The following DUSP22 variants were observed in gnomAD, a reference collection of about 807,000 sequenced individuals.
DUSP22 encodes the protein dual specificity protein phosphatase 22.
DUSP22 carries 24 observed loss-of-function variants against 24.5 expected under a neutral mutation model. The ratio of observed to expected loss-of-function variants is 0.98; its 90% CI spans 0.71 to 1.38. The LOEUF (loss-of-function observed/expected upper bound fraction) is 1.38. DUSP22 is among the 40% of genes most tolerant of loss of function. The pLI is 0.00. For synonymous variants in DUSP22, 160 were observed against 106.4 expected, an observed-to-expected ratio of 1.50 and a Z score of -3.10; for missense variants, 330 against 269.2, an observed-to-expected ratio of 1.23 and a Z score of -1.58.
intron 1 of DUSP22, among the ~76,000 whole-genome samples, chr6:304,194 C>T (rs1214958784): frequency 1.3e-5 from 2 of 152,312 alleles, no homozygotes; most frequent in African/African-American, 4.8e-5. Context: ...AGCCGGGGGC[C>T]AACCCTGGAC....
intron 1 of DUSP22, among the ~76,000 whole-genome samples, chr6:294,231 T>C (rs1340016086): frequency 6.6e-6 from 1 of 152,306 alleles, no homozygotes; most frequent in Non-Finnish European, 1.5e-5. Context: ...TTTATTATCT[T>C]GTGAATAGAG....
Position 348,816 on chromosome 6 carries a change from T to C in DUSP22, c.483T>C (p.Asp161=), listed in dbSNP as rs753022752. The C allele has an allele frequency of 1.9e-6, 3 of 1,614,198 alleles. No homozygotes were observed. Among genetic ancestry groups the C allele is most frequent in the African/African-American group, 2.7e-5 (2 of 74,966 alleles). ...AATATGGAGAGAGCCCTTTGCAGGATGCAGAAGAAGCCAAAAACATTCTGG... is the reference window on the plus strand; with the variant it reads ...AATATGGAGAGAGCCCTTTGCAGGACGCAGAAGAAGCCAAAAACATTCTGG... ...KEEYGESPLQ[D]AEEAKNILGK... is the part of the protein sequence containing the mutation. Residue 161 remains aspartate, a synonymous_variant, in exon 7 of 7, where the codon GAT becomes GAC. Coordinates refer to ENST00000419235, the MANE Select transcript of DUSP22 (RefSeq NM_001286555.3).
At chr6:330,280 C>A (rs112730377) in intron 3 of DUSP22, among the ~76,000 whole-genome samples, 6 of 152,274 alleles carry the variant, frequency 3.9e-5, no homozygotes, top group Non-Finnish European at 5.9e-5. Context: ...TTGCTCTCCC[C>A]CTCCTTGTGT....
rs1760047788 is a variant in DUSP22, at chr6:349,165, CT to C, written c.*215del. The C allele has an allele frequency of 8.4e-6, 12 of 1,433,796 alleles. No homozygotes were observed. Among genetic ancestry groups the C allele is most frequent in the East Asian group, 2.5e-5 (1 of 39,662 alleles). 88.8% of individuals were successfully genotyped at this position (1,433,796 alleles called of 1,614,324 possible). ...CTGGCTGCACCTGAGCTTGCTGCCC[CT>C]GGGGATGTTGCCCAGTGGCTGTGCA... On this transcript the variant is annotated 3_prime_UTR_variant, in exon 7 of 7. Transcript: ENST00000419235.
intron 1 of DUSP22, among the ~76,000 whole-genome samples, chr6:299,801 A>G (rs1341100807): frequency 6.6e-6 from 1 of 152,306 alleles, no homozygotes; most frequent in African/African-American, 2.4e-5. Context: ...CCCATGCCAC[A>G]GGTGTGGCCG....
In DUSP22 at chr6:345,759, T is replaced by G. The variant is rs544183654; in HGVS notation, c.189-95T>G. ...GTGTCAATTATACAAAAAAATCAATTAACATTTTAAGAAAGAAGCCTCAGG... is the reference window on the plus strand; with the variant it reads ...GTGTCAATTATACAAAAAAATCAATGAACATTTTAAGAAAGAAGCCTCAGG... On this transcript the variant is annotated intron_variant, in intron 4 of 6. Transcript: ENST00000419235. The G allele has an allele frequency of 1.6e-4, 239 of 1,465,634 alleles. No individual in the cohort carries two copies. The South Asian group carries it at 2.8e-3, about 17-fold the overall frequency. 90.8% of individuals were successfully genotyped at this position (1,465,634 alleles called of 1,614,324 possible).
At chr6:329,311 G>A (rs1345275837) in intron 3 of DUSP22, among the ~76,000 whole-genome samples, 1 of 152,308 alleles carries the variant, frequency 6.6e-6, no homozygotes, top group Non-Finnish European at 1.5e-5. Context: ...AGGGCTGCGA[G>A]GAATGAGGAG....
intron 3 of DUSP22, among the ~76,000 whole-genome samples, chr6:326,853 G>A (rs1390000471): frequency 6.6e-6 from 1 of 152,310 alleles, no homozygotes; most frequent in Non-Finnish European, 1.5e-5. Flanking sequence ...CTAAGAAGGT[G>A]GTGTGCTGTA....
intron 1 of DUSP22, among the ~76,000 whole-genome samples, chr6:294,348 T>C (rs1757228760): frequency 2.4e-5 from 1 of 42,148 alleles, no homozygotes; most frequent in Admixed American, 1.9e-4. Flanking sequence ...GTTGTGCTAG[T>C]GGGTGGGGAG....
Position 293,974 on chromosome 6 carries a change from G to A in DUSP22, c.21+1414G>A, listed in dbSNP as rs1166817034. 2.0e-5 allele frequency among the ~76,000 whole-genome samples: 3 copies of A among 152,358 alleles called. No homozygotes were observed. In the East Asian group the frequency reaches 5.8e-4, roughly 29 times the overall value. ...TGGTCATCATAAGTCTGTGGGCTCC[G>A]TTTGCCTTCCCATTGGTGGTGGTAT... On this transcript the variant is annotated intron_variant, in intron 1 of 6. Transcript: ENST00000419235.
At position 348,939 on chromosome 6, in the gene DUSP22, G is replaced by T. The variant is rs755974466; in HGVS notation, c.606G>T (p.Thr202=). Residue 202 remains threonine, a synonymous_variant, in exon 7 of 7, where the codon ACG becomes ACT. Coordinates refer to ENST00000419235, the MANE Select transcript of DUSP22 (RefSeq NM_001286555.3). ...CTCCGCTGACCTACGATAATTATAC[G>T]ACGGAGACCTAACGCAAGCGACCTG... ...ALAPLTYDNY[T]TET 27 of 1,602,012 alleles carry T rather than the reference G, an allele frequency of 1.7e-5. No individual in the cohort carries two copies. Among genetic ancestry groups the T allele is most frequent in the Non-Finnish European group, 2.3e-5 (27 of 1,173,656 alleles).
At position 350,553 on chromosome 6, in the gene DUSP22, G is replaced by T. The variant is rs1403684470; in HGVS notation, c.*1602G>T. On this transcript the variant is annotated 3_prime_UTR_variant, in exon 7 of 7. Transcript: ENST00000419235. ...TTTGGGGACCGGGAAAAACAAAGTT[G>T]CCTGATTCCGCGCAGGTGCACAGGC... 2.2e-6 allele frequency: 3 copies of T among 1,362,716 alleles called. No homozygotes were observed. The highest frequency in any genetic ancestry group is 2.8e-6 in the Non-Finnish European group (3 of 1,059,430). 84.4% of individuals were successfully genotyped at this position (1,362,716 alleles called of 1,614,324 possible).
chr6:310,938 G>A (rs1218648474), intron 2 of DUSP22, among the ~76,000 whole-genome samples: 1 of 152,312 alleles, frequency 6.6e-6, no homozygotes, highest in African/African-American at 2.4e-5. Context: ...CTAAAAGGAA[G>A]AAGCTGAGGC....
intron 3 of DUSP22, among the ~76,000 whole-genome samples, chr6:320,699 T>C (rs1473656910): frequency 6.6e-6 from 1 of 152,290 alleles, no homozygotes; most frequent in Non-Finnish European, 1.5e-5. Context: ...TAGTGCGGTT[T>C]GACTCAGTGG....
intron 1 of DUSP22, among the ~76,000 whole-genome samples, chr6:297,337 AG>A (rs1176079429): frequency 6.6e-6 from 1 of 152,310 alleles, no homozygotes; most frequent in Non-Finnish European, 1.5e-5. Flanking sequence ...CAAACTGTGA[AG>A]TGCAAATACA....
chr6:351,006 T>A lies in DUSP22; in HGVS notation c.*2055T>A. The A allele has an allele frequency of 8.0e-7, 1 of 1,248,578 alleles. No individual in the cohort carries two copies. The highest frequency in any genetic ancestry group is 1.3e-5 in the South Asian group (1 of 77,430). 77.3% of individuals were successfully genotyped at this position (1,248,578 alleles called of 1,614,324 possible). A position where few individuals can be genotyped will look rare whatever the true frequency, so the allele number is the denominator to read the frequency against. On this transcript the variant is annotated 3_prime_UTR_variant, in exon 7 of 7. Coordinates refer to ENST00000419235, the MANE Select transcript of DUSP22 (RefSeq NM_001286555.3). The stretch of plus-strand genomic sequence containing the variant: ...CATTTGAAGCTGAATATATACGTAG[T>A]CATGTTTATGTTGAGAACTAAGGAT...
chr6:293,375 T>C (rs1454832812), intron 1 of DUSP22, among the ~76,000 whole-genome samples: 3 of 152,286 alleles, frequency 2.0e-5, no homozygotes, highest in Non-Finnish European at 2.9e-5. Flanking sequence ...TTTTGTTACT[T>C]GGTACTTGGC....
At position 305,011 on chromosome 6, in the gene DUSP22, C is replaced by T. The variant is rs547168687; in HGVS notation, c.55+350C>T. Reference sequence around the variant, plus strand: ...GTGTCACAGTTCATCCGTGTTGCGGCGTGTGTCAGAATGGCCTTCCTTCTT... The same window carrying T: ...GTGTCACAGTTCATCCGTGTTGCGGTGTGTGTCAGAATGGCCTTCCTTCTT... On this transcript the variant is annotated intron_variant, in intron 2 of 6. Transcript: ENST00000419235. Among the ~76,000 whole-genome samples the T allele has an allele frequency of 5.2e-5, 8 of 152,418 alleles. No homozygotes were observed. The South Asian group carries it at 6.2e-4, about 12-fold the overall frequency.
rs950064536 is a variant in DUSP22, at chr6:349,521, G to A, written c.*570G>A. 88 of 992,172 alleles carry A rather than the reference G, an allele frequency of 8.9e-5. No individual in the cohort carries two copies. Among genetic ancestry groups the A allele is most frequent in the Non-Finnish European group, 9.7e-5 (81 of 834,526 alleles). The allele number at this position is 992,172 out of a possible 1,614,324, so 61.5% of individuals were successfully genotyped here. ...AGCAGACCGTGAGAACTCAGGGGAC[G>A]AGTGGCTAAGAGCATGGCCTCTCCC... On this transcript the variant is annotated 3_prime_UTR_variant, in exon 7 of 7. Transcript: ENST00000419235.
Sources: allele counts gnomAD v4.1 joint callset (sites outside exome capture counted in the v4.1 genomes callset), GRCh38; gene constraint gnomAD v4.1.1; transcripts MANE v1.5; gene names NCBI Gene and HGNC (gene_info 2026-07-23, HGNC 2026-07-21).